The following WASF3 variants were observed in gnomAD, a reference collection of about 807,000 sequenced individuals.
WASF3 encodes the protein actin-binding protein WASF3.
A neutral mutation model predicts 46.6 loss-of-function variants in WASF3; 11 were observed. The observed-to-expected ratio is 0.24, with a 90% CI of 0.15 to 0.39. The LOEUF (loss-of-function observed/expected upper bound fraction) is 0.39, where lower values mean the gene tolerates loss of function less well. WASF3 is among the 10% of genes least tolerant of loss of function. WASF3 has a pLI of 1.00. For missense variants in WASF3, 576 were observed against 669.8 expected (o/e 0.86, Z 1.55); for synonymous variants, 242 against 259.7 (o/e 0.93, Z 0.65).
intron 1 of WASF3, among the ~76,000 whole-genome samples, chr13:26,611,489 A>T (rs574330537): frequency 2.1e-4 from 32 of 152,332 alleles, no homozygotes; most frequent in African/African-American, 7.5e-4. Context: ...AATACATAGG[A>T]TGTTGGACAT....
intron 1 of WASF3, among the ~76,000 whole-genome samples, chr13:26,608,147 C>G (rs755735097): frequency 2.6e-4 from 39 of 149,422 alleles, no homozygotes; most frequent in Non-Finnish European, 8.8e-5. Flanking sequence ...GATTCTCTGG[C>G]GAGGGACTGT....
intron 1 of WASF3, among the ~76,000 whole-genome samples, chr13:26,608,032 C>A (rs1880854607): frequency 6.7e-6 from 1 of 148,808 alleles, no homozygotes; most frequent in Admixed American, 6.7e-5. Context: ...AAATAATGTA[C>A]CCCTCCCCAC....
chr13:26,539,650 A>G, the WASF3 span, among the ~76,000 whole-genome samples: 1 of 151,874 alleles, frequency 6.6e-6, no homozygotes, highest in Non-Finnish European at 1.5e-5. Flanking sequence ...CCTTACCTCT[A>G]CCCCATCACA....
At chr13:26,684,847 C>G (rs1179768504) in intron 9 of WASF3, among the ~76,000 whole-genome samples, 1 of 152,106 alleles carries the variant, frequency 6.6e-6, no homozygotes, top group African/African-American at 2.4e-5. Flanking sequence ...TTCTGTAAAT[C>G]TGAAATTATT....
At chr13:26,633,264 G>A (rs1285458515) in intron 2 of WASF3, among the ~76,000 whole-genome samples, 7 of 140,558 alleles carry the variant, frequency 5.0e-5, no homozygotes, top group East Asian at 2.1e-4. Context: ...GTGCAATGGC[G>A]TCATCTCAGC....
chr13:26,568,328 G>T (rs1879535338), intron 1 of WASF3, among the ~76,000 whole-genome samples: 1 of 152,170 alleles, frequency 6.6e-6, no homozygotes, highest in South Asian at 2.1e-4. Context: ...GCTGTTGGAT[G>T]AATCAGTGGT....
chr13:26,580,517 A>G (rs1879944740), intron 1 of WASF3, among the ~76,000 whole-genome samples: 1 of 151,592 alleles, frequency 6.6e-6, no homozygotes, highest in Non-Finnish European at 1.5e-5. Flanking sequence ...GAAGTATTGG[A>G]TTTCATATGT....
intron 3 of WASF3, among the ~76,000 whole-genome samples, chr13:26,654,235 G>A (rs765433268): frequency 1.3e-5 from 2 of 151,990 alleles, no homozygotes; most frequent in Non-Finnish European, 2.9e-5. Context: ...TAGCCACACT[G>A]GCTTCCTTGA....
intron 1 of WASF3, among the ~76,000 whole-genome samples, chr13:26,612,150 A>G (rs1032450496): frequency 6.6e-6 from 1 of 152,132 alleles, no homozygotes; most frequent in African/African-American, 2.4e-5. Flanking sequence ...TTACCCTCAC[A>G]AGACTGAGTA....
chr13:26,665,767 A>G (rs1882752355), intron 4 of WASF3, among the ~76,000 whole-genome samples: 1 of 152,268 alleles, frequency 6.6e-6, no homozygotes, highest in African/African-American at 2.4e-5. Context: ...AATTGAAACT[A>G]TCAACGATCC....
intron 1 of WASF3, among the ~76,000 whole-genome samples, chr13:26,567,429 C>T (rs1462635112): frequency 1.3e-5 from 2 of 152,184 alleles, no homozygotes; most frequent in African/African-American, 4.8e-5. Flanking sequence ...CTGTGGGCCA[C>T]ATCTGGCTCT....
At chr13:26,555,606 C>A (rs1879080596), upstream of WASF3, among the ~76,000 whole-genome samples, 1 of 152,086 alleles carries the variant, frequency 6.6e-6, no homozygotes, top group African/African-American at 2.4e-5. Context: ...ATCCCCCTAC[C>A]ATTTTCCTCA....
intron 1 of WASF3, among the ~76,000 whole-genome samples, chr13:26,565,803 A>G (rs1398988068): frequency 6.6e-6 from 1 of 152,240 alleles, no homozygotes; most frequent in Non-Finnish European, 1.5e-5. Flanking sequence ...AAAGTTTATC[A>G]ATGAAAATGA....
Position 26,686,016 on chromosome 13 carries a change from T to C in WASF3, c.*171T>C, listed in dbSNP as rs1468286022. ...GGTCTTTTCAGTATTTACTGTGTAATACTTAAGTGCCACTAAACATAGCAA... is the reference window on the plus strand; with the variant it reads ...GGTCTTTTCAGTATTTACTGTGTAACACTTAAGTGCCACTAAACATAGCAA... On this transcript the variant is annotated 3_prime_UTR_variant, in exon 10 of 10. Coordinates refer to ENST00000335327, the MANE Select transcript of WASF3 (RefSeq NM_006646.6). The C allele has an allele frequency of 1.2e-6, 1 of 807,402 alleles. No homozygotes were observed. 50.0% of individuals were successfully genotyped at this position (807,402 alleles called of 1,614,324 possible). A position where few individuals can be genotyped will look rare whatever the true frequency, so the allele number is the denominator to read the frequency against.
intron 1 of WASF3, among the ~76,000 whole-genome samples, chr13:26,560,416 T>G (rs1879260482): frequency 6.6e-6 from 1 of 152,224 alleles, no homozygotes; most frequent in Non-Finnish European, 1.5e-5. Context: ...CTATTCCTAT[T>G]TCTTTCTTCA....
the WASF3 span, among the ~76,000 whole-genome samples, chr13:26,551,739 C>A: frequency 2.0e-5 from 3 of 152,094 alleles, no homozygotes; most frequent in Non-Finnish European, 2.9e-5. Flanking sequence ...AAGCCCAGGG[C>A]ATGTAGGGCG....
chr13:26,606,625 G>T (rs184111861), intron 1 of WASF3: 1 of 151,948 alleles, frequency 6.6e-6, no homozygotes, highest in Non-Finnish European at 1.5e-5. Flanking sequence ...CCAAAAGGCT[G>T]GGATTACAGG....
chr13:26,658,194 C>T (rs1593174447), intron 3 of WASF3, among the ~76,000 whole-genome samples: 1 of 151,892 alleles, frequency 6.6e-6, no homozygotes, highest in Non-Finnish European at 1.5e-5. Flanking sequence ...TCTGTACAGC[C>T]GAAGGGGATG....
At chr13:26,684,718 AGTGTCT>A (rs1237210762) in intron 9 of WASF3, among the ~76,000 whole-genome samples, 5 of 152,136 alleles carry the variant, frequency 3.3e-5, no homozygotes, top group African/African-American at 9.7e-5. Context: ...TCCAGAGAAA[AGTGTCT>A]GTGTCTGTCT....
Sources: gnomAD v4.1 joint callset for allele counts (sites outside exome capture counted in the v4.1 genomes callset) on GRCh38, gnomAD v4.1.1 for gene constraint, MANE v1.5 for transcripts, NCBI Gene and HGNC (gene_info 2026-07-23, HGNC 2026-07-21) for gene names.